The following PLEKHH1 variants were observed in gnomAD, a reference collection of about 807,000 sequenced individuals.
PLEKHH1 encodes pleckstrin homology domain-containing family H member 1.
In PLEKHH1, 104 loss-of-function variants were observed where a neutral mutation model predicts 160.0. The observed-to-expected ratio is 0.65, with a 90% CI of 0.55 to 0.76. PLEKHH1 has a LOEUF of 0.76. PLEKHH1 is among the 30% of genes least tolerant of loss of function. PLEKHH1 has a pLI of 0.00. For missense variants in PLEKHH1, 1,427 were observed against 1,724.1 expected, an observed-to-expected ratio of 0.83 and a Z score of 3.05; for synonymous variants, 619 against 678.4, an observed-to-expected ratio of 0.91 and a Z score of 1.36.
In PLEKHH1 at chr14:67,572,237, G is replaced by GCA. The variant is rs1566750950; in HGVS notation, c.1690_1691dup (p.Ser565ProfsTer23). 1 of 1,608,144 alleles carries GCA rather than the reference G, an allele frequency of 6.2e-7. No individual in the cohort carries two copies. Among genetic ancestry groups the GCA allele is most frequent in the South Asian group, 1.1e-5 (1 of 89,798 alleles). On this transcript the variant is annotated frameshift_variant, in exon 11 of 29. Coordinates refer to ENST00000329153, the MANE Select transcript of PLEKHH1 (RefSeq NM_020715.3). LOFTEE classifies it high-confidence loss of function. ...TCAGAGCCTGAGCACAAACTGCAGCGCACCTCATCCTACTCCACCGACGGG... is the reference window on the plus strand; with the variant it reads ...TCAGAGCCTGAGCACAAACTGCAGCGCACACCTCATCCTACTCCACCGACGGG...
rs1488215867 is a variant in PLEKHH1 at position 67,586,079 on chromosome 14, C to A, written c.3915C>A (p.Phe1305Leu). The A allele has an allele frequency of 4.3e-6, 7 of 1,613,956 alleles. No individual in the cohort carries two copies. The highest frequency in any genetic ancestry group is 5.9e-6 in the Non-Finnish European group (7 of 1,179,876). ...SGKSHIEKLI[F>L]RMAAPKIAEA... ...AAAGCCACATTGAGAAGTTGATCTTCCGGATGGCTGCTCCCAAGGTAGGTC... is the reference window on the plus strand; with the variant it reads ...AAAGCCACATTGAGAAGTTGATCTTACGGATGGCTGCTCCCAAGGTAGGTC... Residue 1305 changes from phenylalanine (F) to leucine (L), a missense_variant, in exon 28 of 29, where the codon TTC (phenylalanine) becomes TTA (leucine). Phe to Leu is a conservative substitution (Grantham distance 22, BLOSUM62 0). Coordinates refer to ENST00000329153, the MANE Select transcript of PLEKHH1 (RefSeq NM_020715.3).
intron 1 of PLEKHH1, among the ~76,000 whole-genome samples, chr14:67,540,058 C>T (rs953038649): frequency 2.0e-5 from 3 of 152,146 alleles, no homozygotes; most frequent in Non-Finnish European, 4.4e-5. Context: ...GCTGGGTTTT[C>T]TGAGGCCATG....
chr14:67,548,959 G>A (rs2034286230), intron 2 of PLEKHH1, among the ~76,000 whole-genome samples: 1 of 152,160 alleles, frequency 6.6e-6, no homozygotes, highest in Non-Finnish European at 1.5e-5. Flanking sequence ...AGAGAACAAT[G>A]GATGTTGCTC....
At chr14:67,569,005 A>C in intron 7 of PLEKHH1, 133 bp from the exon 8 acceptor site, 1 of 606,952 alleles carries the variant, frequency 1.6e-6, no homozygotes. Flanking sequence ...TAACTTGCCC[A>C]AGATTTGTTA....
At chr14:67,534,901 G>T (rs2140300774) in intron 1 of PLEKHH1, among the ~76,000 whole-genome samples, 1 of 152,204 alleles carries the variant, frequency 6.6e-6, no homozygotes, top group South Asian at 2.1e-4. Context: ...ATATGAAATG[G>T]TGTACATCAT....
chr14:67,547,430 A>C (rs1405659495), intron 2 of PLEKHH1, among the ~76,000 whole-genome samples: 2 of 152,212 alleles, frequency 1.3e-5, no homozygotes, highest in African/African-American at 4.8e-5. Flanking sequence ...AAGACAAGTT[A>C]TAGATCGCAG....
In PLEKHH1 at chr14:67,567,807, A is replaced by G. The variant is rs552091616; in HGVS notation, c.1264-1331A>G. On this transcript the variant is annotated intron_variant, in intron 7 of 28. Coordinates refer to ENST00000329153, the MANE Select transcript of PLEKHH1 (RefSeq NM_020715.3). The stretch of plus-strand genomic sequence containing the variant: ...CACATCTAGCTACCTCCCTGAGCCA[A>G]CAGGGCATTCCTCCAAAGGCTGGTC... Among the ~76,000 whole-genome samples, 5 of 152,290 alleles carry G rather than the reference A, an allele frequency of 3.3e-5. No homozygotes were observed. In the South Asian group the frequency reaches 8.3e-4, roughly 25 times the overall value.
chr14:67,577,307 C>T lies in PLEKHH1; in HGVS notation c.2467C>T (p.Pro823Ser), dbSNP rs1244195525. The T allele has an allele frequency of 6.4e-7, 1 of 1,563,402 alleles. No individual in the cohort carries two copies. The highest frequency in any genetic ancestry group is 8.7e-7 in the Non-Finnish European group (1 of 1,154,384). The change falls in exon 18 of 29, where the codon CCG becomes TCG. Residue 823 changes from proline (P) to serine (S), a missense_variant. By Grantham distance (74) the Pro-to-Ser change is moderately conservative. This residue lies in a region of PLEKHH1 where 436 missense variants were observed against 607.5 expected (regional missense o/e 0.72). Transcript: ENST00000329153. ...TGGTTCCGTGCTTTGGGCAGATTCG[C>T]CGCTCTGGAGGCACCCCATGCTGTG... ...LMDGEGDPDS[P>S]LWRHPMLCYS...
intron 2 of PLEKHH1, among the ~76,000 whole-genome samples, chr14:67,549,245 G>A (rs971222857): frequency 7.3e-5 from 11 of 150,860 alleles, no homozygotes; most frequent in African/African-American, 2.2e-4. Context: ...GTGTGTGTGC[G>A]TGTGTGTGTG....
rs1386337014 is a variant in PLEKHH1, at chr14:67,578,509, C to G, written c.2752-25C>G. On this transcript the variant is annotated intron_variant, in intron 19 of 28. Coordinates refer to ENST00000329153, the MANE Select transcript of PLEKHH1 (RefSeq NM_020715.3). This position sits in a 1 kb window ranked among gnomAD's most constrained non-coding sequence, Gnocchi z 5.0. ...GTGGTGCTGTAGGCCCAGCACTCAC[C>G]CCACGCTGTCTGTGTCCCTGGCAGT... 6 of 1,529,860 alleles carry G rather than the reference C, an allele frequency of 3.9e-6. No homozygotes were observed. The Admixed American group carries it at 8.7e-5, about 22-fold the overall frequency. 94.8% of individuals were successfully genotyped at this position (1,529,860 alleles called of 1,614,324 possible).
intron 9 of PLEKHH1, chr14:67,570,307 A>C: frequency 2.0e-6 from 2 of 978,780 alleles, no homozygotes; most frequent in Non-Finnish European, 2.4e-6. Flanking sequence ...CAGGTCCCAG[A>C]GGGCAGTGGG....
At chr14:67,558,226 C>T (rs575395100) in intron 4 of PLEKHH1, among the ~76,000 whole-genome samples, 4 of 152,320 alleles carry the variant, frequency 2.6e-5, no homozygotes, top group South Asian at 2.1e-4. Flanking sequence ...CCCCTCGTGC[C>T]AGAATGCCAT....
intron 2 of PLEKHH1, 76 bp from the exon 3 acceptor site, chr14:67,555,749 C>T (rs1858367074): frequency 6.3e-7 from 1 of 1,575,744 alleles, no homozygotes; most frequent in South Asian, 1.2e-5. Flanking sequence ...GTGCACAGTT[C>T]TCTAAAGTGG....
rs1390567101 is a variant in PLEKHH1, at chr14:67,578,060, C to T, written c.2612C>T (p.Ala871Val). 5.0e-6 allele frequency: 8 copies of T among 1,613,922 alleles called. No individual in the cohort carries two copies. Among genetic ancestry groups the T allele is most frequent in the Non-Finnish European group, 6.8e-6 (8 of 1,179,860 alleles). Residue 871 changes from alanine (A) to valine (V), a missense_variant, in exon 19 of 29, where the codon GCC (alanine) becomes GTC (valine). By Grantham distance (64) the Ala-to-Val change is moderately conservative. This residue lies in a region of PLEKHH1 where 436 missense variants were observed against 607.5 expected (regional missense o/e 0.72). Transcript: ENST00000329153. This position sits in a 1 kb window ranked among gnomAD's most constrained non-coding sequence, Gnocchi z 5.0. ...QLFINVPVEA[A>V]SVDYHVSLAQ... The stretch of plus-strand genomic sequence containing the variant: ...TTCATCAACGTGCCGGTGGAAGCTG[C>T]CTCGGTGGACTACCATGTGTCCCTG...
chr14:67,534,239 T>C (rs58939454), intron 1 of PLEKHH1, among the ~76,000 whole-genome samples: 12,948 of 152,102 alleles, frequency 0.085, 680 homozygotes, highest in East Asian at 0.15. Flanking sequence ...TGTTTCTGCA[T>C]ATTATTGGCC....
chr14:67,586,223 T>A, intron 28 of PLEKHH1, 126 bp downstream of exon 28: 1 of 1,223,762 alleles, frequency 8.2e-7, no homozygotes, highest in Non-Finnish European at 1.2e-6. Flanking sequence ...GTTGGTCTTG[T>A]CTGTAATTAG....
chr14:67,555,894 AG>A lies in PLEKHH1; in HGVS notation c.189+11del. On this transcript the variant is annotated splice_region_variant and intron_variant, in intron 3 of 28. Coordinates refer to ENST00000329153, the MANE Select transcript of PLEKHH1 (RefSeq NM_020715.3). ...AGAGAACGCTGAGACCCAGGTAACC[AG>A]GGGAGGGGATCGGCGGGAATATGCA... The A allele has an allele frequency of 6.2e-7, 1 of 1,613,184 alleles. No individual in the cohort carries two copies. Among genetic ancestry groups the A allele is most frequent in the Non-Finnish European group, 8.5e-7 (1 of 1,179,546 alleles).
chr14:67,561,542 T>C (rs2034836230), intron 5 of PLEKHH1, among the ~76,000 whole-genome samples: 1 of 149,806 alleles, frequency 6.7e-6, no homozygotes, highest in Admixed American at 6.6e-5. Flanking sequence ...CCAGCCTGGG[T>C]GATAGAGCCA....
At chr14:67,547,436 C>A (rs1392487968) in intron 2 of PLEKHH1, among the ~76,000 whole-genome samples, 1 of 152,296 alleles carries the variant, frequency 6.6e-6, no homozygotes, top group East Asian at 1.9e-4. Flanking sequence ...AGTTATAGAT[C>A]GCAGGAAGAG....
Sources: gnomAD v4.1 joint callset for allele counts (sites outside exome capture counted in the v4.1 genomes callset) on GRCh38, gnomAD v4.1.1 for gene constraint, gnomAD v4.1.1 regional missense constraint, Gnocchi (gnomAD v3.1) non-coding constraint, MANE v1.5 for transcripts, NCBI Gene and HGNC (gene_info 2026-07-23, HGNC 2026-07-21) for gene names.